The following AKAP7 variants were observed in gnomAD, a reference collection of about 807,000 sequenced individuals.
AKAP7 encodes A-kinase anchoring protein 7.
AKAP7 carries 39 observed loss-of-function variants against 39.5 expected under a neutral mutation model. That is an observed-to-expected ratio of 0.99 (90% CI 0.76 to 1.29). AKAP7 has a LOEUF of 1.29. Ranked by LOEUF, AKAP7 falls within the 50% of genes most tolerant of loss-of-function variation. The pLI is 0.00. For missense variants in AKAP7, 414 were observed against 407.7 expected (o/e 1.02, Z -0.13); for synonymous variants, 140 against 139.1 (o/e 1.01, Z -0.05).
At position 131,174,360 on chromosome 6, in the gene AKAP7, T is replaced by C. The variant is rs141388694; in HGVS notation, c.589+5087T>C. ...AGTTTAGATATAGCCTCTATTTACA[T>C]AGTGTTCAGATATTCAGAATGTTCA... is the stretch of plus-strand genomic sequence containing the variant. On this transcript the variant is annotated intron_variant, in intron 5 of 7. Transcript: ENST00000431975. Among the ~76,000 whole-genome samples the C allele has an allele frequency of 3.6e-3, 547 of 152,368 alleles. 5 individuals are homozygous for C. Among genetic ancestry groups the C allele is most frequent in the African/African-American group, 0.013 (529 of 41,594 alleles).
chr6:131,141,375 G>T (rs1445750248), intron 1 of AKAP7, among the ~76,000 whole-genome samples: 1 of 152,150 alleles, frequency 6.6e-6, no homozygotes, highest in Non-Finnish European at 1.5e-5. Context: ...ATGATTATAA[G>T]CTTCCTGAGG....
intron 7 of AKAP7, among the ~76,000 whole-genome samples, chr6:131,232,353 T>G (rs1363003558): frequency 1.3e-5 from 2 of 152,220 alleles, no homozygotes. Flanking sequence ...AATGAAATTC[T>G]TAGTGTGCAG....
intron 2 of AKAP7, among the ~76,000 whole-genome samples, chr6:131,154,500 T>G (rs1318186399): frequency 6.7e-6 from 1 of 149,374 alleles, no homozygotes; most frequent in Non-Finnish European, 1.5e-5. Flanking sequence ...TAATGTTGCA[T>G]TGTAGAAACT....
intron 7 of AKAP7, among the ~76,000 whole-genome samples, chr6:131,265,876 C>A (rs1284651525): frequency 1.3e-5 from 2 of 152,086 alleles, no homozygotes; most frequent in African/African-American, 4.8e-5. Context: ...AACCCAGGCA[C>A]ATAATAGATG....
chr6:131,220,768 G>A (rs1809628946), intron 7 of AKAP7, among the ~76,000 whole-genome samples: 1 of 152,106 alleles, frequency 6.6e-6, no homozygotes, highest in African/African-American at 2.4e-5. Context: ...AATTCTCACA[G>A]TATTTTAGAC....
chr6:131,157,435 TG>T (rs1384806464), intron 2 of AKAP7, among the ~76,000 whole-genome samples: 1 of 152,204 alleles, frequency 6.6e-6, no homozygotes, highest in Non-Finnish European at 1.5e-5. Flanking sequence ...CAGTAGGTGG[TG>T]GTGGGCTAGA....
In AKAP7 at chr6:131,199,481, C is replaced by G. The variant is rs1481618535; in HGVS notation, c.610C>G (p.Gln204Glu). 1 of 1,604,720 alleles carries G rather than the reference C, an allele frequency of 6.2e-7. No individual in the cohort carries two copies. Among genetic ancestry groups the G allele is most frequent in the Admixed American group, 1.7e-5 (1 of 59,552 alleles). The change falls in exon 6 of 8, where the codon CAA (glutamine) becomes GAA (glutamate). Residue 204 changes from glutamine to glutamate, a missense_variant. Transcript: ENST00000431975. ...TTCAGAGACTGCAAATAGGACATTT[C>G]AAGAAAAAGGCATCCTGGTAGGAGA... ...EIAETANRTFQEKGILVGESR... is the reference protein window; with the variant it reads ...EIAETANRTFEEKGILVGESR...
chr6:131,201,809 A>G (rs915674314), intron 6 of AKAP7, among the ~76,000 whole-genome samples: 4 of 152,140 alleles, frequency 2.6e-5, no homozygotes, highest in Admixed American at 2.0e-4. Context: ...CTTTCTACAT[A>G]TGGCTAGCCA....
intron 2 of AKAP7, among the ~76,000 whole-genome samples, chr6:131,149,201 G>A (rs926444456): frequency 4.6e-5 from 7 of 152,316 alleles, no homozygotes; most frequent in African/African-American, 1.7e-4. Context: ...ACCAAAACAT[G>A]TAGAGACTTT....
chr6:131,157,673 T>C (rs2128236129), intron 2 of AKAP7, among the ~76,000 whole-genome samples: 1 of 152,312 alleles, frequency 6.6e-6, no homozygotes, highest in African/African-American at 2.4e-5. Context: ...TTCACATAAT[T>C]CTTATAACAC....
At chr6:131,208,888 T>C (rs888928408) in intron 6 of AKAP7, among the ~76,000 whole-genome samples, 2 of 152,206 alleles carry the variant, frequency 1.3e-5, no homozygotes, top group Non-Finnish European at 2.9e-5. Context: ...ATGCTGATTC[T>C]TAAAGCTTTT....
chr6:131,212,651 G>A (rs1808780548), intron 6 of AKAP7, among the ~76,000 whole-genome samples: 1 of 152,086 alleles, frequency 6.6e-6, no homozygotes, highest in Non-Finnish European at 1.5e-5. Context: ...GTTAGACAGG[G>A]GCATCTTTTC....
At chr6:131,196,461 A>C (rs1251359644) in intron 5 of AKAP7, among the ~76,000 whole-genome samples, 1 of 151,912 alleles carries the variant, frequency 6.6e-6, no homozygotes, top group Non-Finnish European at 1.5e-5. Context: ...ACGAGGTTTC[A>C]CCATGTTGGC....
At chr6:131,274,637 T>G (rs1814589761) in intron 7 of AKAP7, among the ~76,000 whole-genome samples, 2 of 152,060 alleles carry the variant, frequency 1.3e-5, no homozygotes, top group Admixed American at 6.6e-5. Flanking sequence ...TGCACCCAGC[T>G]CTCTGCCTCT....
At chr6:131,222,782 G>A (rs1474054456) in intron 7 of AKAP7, among the ~76,000 whole-genome samples, 1 of 152,200 alleles carries the variant, frequency 6.6e-6, no homozygotes, top group East Asian at 1.9e-4. Flanking sequence ...TAAAGGGTTT[G>A]AGAGAATCAG....
chr6:131,272,892 A>C (rs1814410708), intron 7 of AKAP7, among the ~76,000 whole-genome samples: 1 of 152,092 alleles, frequency 6.6e-6, no homozygotes, highest in Non-Finnish European at 1.5e-5. Flanking sequence ...TGTCTTCTGT[A>C]TTTTCACAGA....
At chr6:131,276,550 T>C (rs989045425) in intron 7 of AKAP7, among the ~76,000 whole-genome samples, 45 of 151,138 alleles carry the variant, frequency 3.0e-4, no homozygotes, top group African/African-American at 1.1e-3. Flanking sequence ...AAAGGTAAGC[T>C]CAGTTAAAAA....
At chr6:131,207,523 T>C (rs1808244020) in intron 6 of AKAP7, among the ~76,000 whole-genome samples, 1 of 140,234 alleles carries the variant, frequency 7.1e-6, no homozygotes, top group Non-Finnish European at 1.5e-5. Context: ...TTTTTAGATA[T>C]GGGGTGTTGC....
intron 2 of AKAP7, among the ~76,000 whole-genome samples, chr6:131,147,475 T>C (rs1036479210): frequency 7.9e-5 from 12 of 152,202 alleles, no homozygotes; most frequent in African/African-American, 2.9e-4. Flanking sequence ...AGCAGAACCA[T>C]GTTTGTGAGT....
Sources: gnomAD v4.1 joint callset for allele counts (sites outside exome capture counted in the v4.1 genomes callset) on GRCh38, gnomAD v4.1.1 for gene constraint, MANE v1.5 for transcripts, NCBI Gene and HGNC (gene_info 2026-07-23, HGNC 2026-07-21) for gene names.